The following FAM133A variants were observed in gnomAD, a reference collection of about 807,000 sequenced individuals.
The protein encoded by FAM133A is family with sequence similarity 133 member A.
For missense variants in FAM133A, 159 were observed against 164.4 expected, an observed-to-expected ratio of 0.97 and a Z score of 0.18; for synonymous variants, 65 against 58.6, an observed-to-expected ratio of 1.11 and a Z score of -0.50.
rs1211431041 is a variant in FAM133A at position 93,691,353 on chromosome X, T to C, written c.-192-7044T>C. On this transcript the variant is annotated intron_variant, in intron 2 of 3. Coordinates refer to ENST00000683942, the MANE Select transcript of FAM133A (RefSeq NM_001171109.2). ...ATATGGTGTGAAGTGTCTAATTTCTTTCTTTTCAAAAAAGATGGATACACA... is the reference window on the plus strand; with the variant it reads ...ATATGGTGTGAAGTGTCTAATTTCTCTCTTTTCAAAAAAGATGGATACACA... Among the ~76,000 whole-genome samples the C allele has an allele frequency of 1.8e-5, 2 of 112,053 alleles. 1 individual carries two copies. The highest frequency in any genetic ancestry group is 5.6e-4 in the East Asian group (2 of 3,595).
chrX:93,706,128 T>A (rs1927031478), intron 3 of FAM133A, among the ~76,000 whole-genome samples: 1 of 112,502 alleles, frequency 8.9e-6, no homozygotes, highest in Admixed American at 9.4e-5. Context: ...ACTTGACTGA[T>A]CTTCTGCATT....
At chrX:93,687,612 G>A (rs978788172) in intron 2 of FAM133A, among the ~76,000 whole-genome samples, 1 of 111,678 alleles carries the variant, frequency 9.0e-6, no homozygotes, top group Non-Finnish European at 1.9e-5. Context: ...ATCAACTAGG[G>A]CAATTGACAT....
intron 2 of FAM133A, among the ~76,000 whole-genome samples, chrX:93,695,871 C>T (rs891105989): frequency 9.4e-6 from 1 of 106,185 alleles, no homozygotes; most frequent in African/African-American, 3.4e-5. Flanking sequence ...GTCTCGATCT[C>T]CTGACCTTGT....
chrX:93,684,887 G>A (rs1236688497), intron 2 of FAM133A, among the ~76,000 whole-genome samples: 2 of 112,148 alleles, frequency 1.8e-5, no homozygotes, highest in Non-Finnish European at 3.8e-5. Flanking sequence ...TTTTGCAAAA[G>A]AGGAACTATC....
At chrX:93,685,339 T>C (rs1925442067) in intron 2 of FAM133A, among the ~76,000 whole-genome samples, 2 of 111,844 alleles carry the variant, frequency 1.8e-5, no homozygotes, top group Admixed American at 1.9e-4. Flanking sequence ...ATGTCTATCT[T>C]AATTTTATGA....
At chrX:93,708,233 C>T (rs1927169344) in intron 3 of FAM133A, among the ~76,000 whole-genome samples, 1 of 111,736 alleles carries the variant, frequency 8.9e-6, no homozygotes, top group South Asian at 3.7e-4. Flanking sequence ...GCCTATAATT[C>T]GGCATGTTCC....
chrX:93,679,915 ATTTTTTTTTTTTTTTTTTTTTTTTTTTTT>A (rs376335726), intron 2 of FAM133A, among the ~76,000 whole-genome samples: 3 of 62,443 alleles, frequency 4.8e-5, no homozygotes, highest in African/African-American at 8.3e-5. Context: ...CTCCTGGCAA[ATTTTTTTTTTTTTTTTTTTTTTTTTTTTT>A]TTTTTTTTTT....
In FAM133A at chrX:93,710,867, T is replaced by C. The variant is rs1269354698; in HGVS notation, c.*701T>C. 4.1e-5 allele frequency: 5 copies of C among 123,400 alleles called. No homozygotes were observed. The highest frequency in any genetic ancestry group is 7.5e-5 in the Non-Finnish European group (4 of 53,253). 10.2% of individuals were successfully genotyped at this position (123,400 alleles called of 1,213,427 possible). ...AATTTACCTCTTCTTCAGCACTGTT[T>C]ACTATACAGTACTGAATAATATTTA... is the stretch of plus-strand genomic sequence containing the variant. On this transcript the variant is annotated 3_prime_UTR_variant, in exon 4 of 4. Transcript: ENST00000683942.
intron 2 of FAM133A, among the ~76,000 whole-genome samples, chrX:93,691,624 C>T (rs903278840): frequency 9.0e-5 from 10 of 111,663 alleles, no homozygotes; most frequent in African/African-American, 3.2e-4. Context: ...TTCTGGATCC[C>T]TTGTACTCTT....
At chrX:93,702,837 T>TAAAAAAAAAAAAAAAAA (rs33985910) in intron 3 of FAM133A, among the ~76,000 whole-genome samples, 5 of 43,042 alleles carry the variant, frequency 1.2e-4, no homozygotes, top group East Asian at 9.7e-4. Context: ...ATAGCTATGA[T>TAAAAAAAAAAAAAAAAA]AAAAAAAAAA....
intron 2 of FAM133A, among the ~76,000 whole-genome samples, chrX:93,692,529 A>G (rs888716439): frequency 6.3e-5 from 7 of 111,949 alleles, no homozygotes; most frequent in African/African-American, 2.3e-4. Context: ...TGAATAGACT[A>G]TGTTTAGCAT....
At position 93,694,341 on chromosome X, in the gene FAM133A, T is replaced by G. The variant is rs1926085658; in HGVS notation, c.-192-4056T>G. On this transcript the variant is annotated intron_variant, in intron 2 of 3. Transcript: ENST00000683942. ...TATACTAAACATTCTTGAGATCTCT[T>G]TAAAAGTTGATTGCTTGTACTTTTA... 5.4e-5 allele frequency among the ~76,000 whole-genome samples: 6 copies of G among 111,407 alleles called. No homozygotes were observed. In the South Asian group the frequency reaches 2.2e-3, roughly 42 times the overall value.
chrX:93,712,196 A>G lies in FAM133A; in HGVS notation c.*2030A>G, dbSNP rs1927486760. 1 of 123,106 alleles carries G rather than the reference A, an allele frequency of 8.1e-6. No homozygotes were observed. The highest frequency in any genetic ancestry group is 3.3e-5 in the African/African-American group (1 of 30,723). The allele number at this position is 123,106 out of a possible 1,213,427, so 10.1% of individuals were successfully genotyped here. On this transcript the variant is annotated 3_prime_UTR_variant, in exon 4 of 4. Coordinates refer to ENST00000683942, the MANE Select transcript of FAM133A (RefSeq NM_001171109.2). ...GTCCTTAGGTCGCTGTTTAGAAGGG[A>G]CCTGACTGGAGTGCTGATGGACTTG...
At chrX:93,681,287 G>GTCTGTCTA (rs373709050) in intron 2 of FAM133A, among the ~76,000 whole-genome samples, 2 of 104,789 alleles carry the variant, frequency 1.9e-5, no homozygotes, top group Non-Finnish European at 3.9e-5. Flanking sequence ...GATATATTCT[G>GTCTGTCTA]TCTATCTATC....
chrX:93,709,293 T>C (rs185797210), intron 3 of FAM133A, 24 bp from the exon 4 acceptor site: 1,733 of 888,593 alleles, frequency 2.0e-3, no homozygotes, highest in Non-Finnish European at 2.4e-3. Flanking sequence ...TGATTTGTAA[T>C]CATTCCATCT....
intron 2 of FAM133A, among the ~76,000 whole-genome samples, chrX:93,696,713 G>A (rs757243795): frequency 9.0e-6 from 1 of 110,915 alleles, no homozygotes; most frequent in Non-Finnish European, 1.9e-5. Context: ...GAGGTCAGGA[G>A]ATCGAGACCA....
chrX:93,702,567 A>C (rs939502277), intron 3 of FAM133A, among the ~76,000 whole-genome samples: 1 of 110,999 alleles, frequency 9.0e-6, no homozygotes, highest in Non-Finnish European at 1.9e-5. Flanking sequence ...TTATGTAGGC[A>C]TACCACCATC....
rs142840293 is a variant in FAM133A, at chrX:93,692,069, C to T, written c.-192-6328C>T. Among the ~76,000 whole-genome samples, 659 of 111,509 alleles carry T rather than the reference C, an allele frequency of 5.9e-3. 14 individuals are homozygous for T. The East Asian group carries it at 0.091, about 15-fold the overall frequency. ...TCCAGGCTTATACAGGTTGAATATT[C>T]CTTATCCAAAAGACTTGGGACCAGA... On this transcript the variant is annotated intron_variant, in intron 2 of 3. Transcript: ENST00000683942.
At position 93,699,461 on chromosome X, in the gene FAM133A, A is replaced by G. The variant is rs1302358156; in HGVS notation, c.-104+976A>G. Among the ~76,000 whole-genome samples the G allele has an allele frequency of 2.7e-5, 3 of 111,544 alleles. No homozygotes were observed. The East Asian group carries it at 8.4e-4, about 31-fold the overall frequency. ...TCACAGCATTGAGATATTTCTGTCT[A>G]ACTGATCAAATCATATAGTAAGCAG... is the stretch of plus-strand genomic sequence containing the variant. On this transcript the variant is annotated intron_variant, in intron 3 of 3. Transcript: ENST00000683942.
Sources: allele counts gnomAD v4.1 joint callset (sites outside exome capture counted in the v4.1 genomes callset), GRCh38; gene constraint gnomAD v4.1.1; transcripts MANE v1.5; gene names NCBI Gene and HGNC (gene_info 2026-07-23, HGNC 2026-07-21).